Variants in SPIDR observed in about 807,000 individuals in gnomAD.
SPIDR encodes DNA repair-scaffolding protein.
A neutral mutation model predicts 104.6 loss-of-function variants in SPIDR; 93 were observed. That is an observed-to-expected ratio of 0.89 (90% CI 0.75 to 1.06). SPIDR has a LOEUF of 1.06. Among genes scored for constraint, SPIDR ranks in the 50% least tolerant of loss-of-function variants. The pLI is 0.00. For synonymous variants in SPIDR, 431 were observed against 416.9 expected, an observed-to-expected ratio of 1.03 and a Z score of -0.41; for missense variants, 1,154 against 1,111.2, an observed-to-expected ratio of 1.04 and a Z score of -0.55.
chr8:47,497,133 G>C (rs1037287482), intron 8 of SPIDR, among the ~76,000 whole-genome samples: 9 of 152,002 alleles, frequency 5.9e-5, no homozygotes, highest in Admixed American at 1.3e-4. Context: ...ATAGTTTGTT[G>C]ATTTTGTTGG....
At chr8:47,272,394 G>C (rs2035519355) in intron 1 of SPIDR, among the ~76,000 whole-genome samples, 1 of 152,160 alleles carries the variant, frequency 6.6e-6, no homozygotes, top group African/African-American at 2.4e-5. Context: ...CTATAATTTT[G>C]TTTAATGATT....
intron 8 of SPIDR, among the ~76,000 whole-genome samples, chr8:47,462,231 C>G (rs1237344453): frequency 6.6e-6 from 1 of 152,164 alleles, no homozygotes; most frequent in Non-Finnish European, 1.5e-5. Context: ...TCGACTAGTA[C>G]CGAGGGTTGT....
chr8:47,728,291 C>T (rs1469386332), intron 17 of SPIDR, among the ~76,000 whole-genome samples: 6 of 149,108 alleles, frequency 4.0e-5, no homozygotes, highest in East Asian at 2.0e-4. Context: ...AAAAATTAGC[C>T]GGGCATGGTG....
At chr8:47,287,308 A>AGCAAAG (rs2039031705) in intron 3 of SPIDR, among the ~76,000 whole-genome samples, 4 of 152,110 alleles carry the variant, frequency 2.6e-5, no homozygotes, top group African/African-American at 9.7e-5. Flanking sequence ...CAAAGGGCGA[A>AGCAAAG]ATCAAAAACT....
chr8:47,361,045 G>A (rs946363963), intron 5 of SPIDR: 7 of 910,244 alleles, frequency 7.7e-6, no homozygotes, highest in Non-Finnish European at 9.2e-6. Context: ...TGTAAAAAAT[G>A]TTCAACTGAT....
intron 10 of SPIDR, among the ~76,000 whole-genome samples, chr8:47,648,088 T>C (rs945709762): frequency 6.6e-6 from 1 of 152,154 alleles, no homozygotes; most frequent in Non-Finnish European, 1.5e-5. Context: ...GTAGAAGTGA[T>C]TCTAAATGAC....
intron 8 of SPIDR, among the ~76,000 whole-genome samples, chr8:47,562,274 T>G (rs1407990137): frequency 2.0e-5 from 3 of 152,222 alleles, no homozygotes; most frequent in African/African-American, 7.2e-5. Context: ...GGTATCTAAT[T>G]TTAAATAGTT....
chr8:47,299,364 G>A (rs1345767489), intron 5 of SPIDR, among the ~76,000 whole-genome samples: 1 of 152,170 alleles, frequency 6.6e-6, no homozygotes, highest in South Asian at 2.1e-4. Context: ...AGGCAATGGG[G>A]TTTTCTAGAT....
At chr8:47,478,911 G>T (rs571139588) in intron 8 of SPIDR, among the ~76,000 whole-genome samples, 47 of 152,300 alleles carry the variant, frequency 3.1e-4, no homozygotes, top group Non-Finnish European at 5.7e-4. Flanking sequence ...TGTTTAATTA[G>T]CAGAGGCACT....
chr8:47,680,630 C>T (rs1479617281), intron 11 of SPIDR, among the ~76,000 whole-genome samples: 1 of 152,198 alleles, frequency 6.6e-6, no homozygotes, highest in Non-Finnish European at 1.5e-5. Flanking sequence ...TTCAAAAAGG[C>T]CACCCTTTTA....
At chr8:47,409,328 A>C (rs1438564543) in intron 7 of SPIDR, among the ~76,000 whole-genome samples, 1 of 152,188 alleles carries the variant, frequency 6.6e-6, no homozygotes, top group Non-Finnish European at 1.5e-5. Context: ...TATTCCTCCA[A>C]GGTCTAATGA....
intron 8 of SPIDR, among the ~76,000 whole-genome samples, chr8:47,565,339 C>T (rs1468479608): frequency 6.6e-6 from 1 of 152,160 alleles, no homozygotes; most frequent in Non-Finnish European, 1.5e-5. Context: ...TAAAGAGAAG[C>T]AACATTGAGT....
intron 8 of SPIDR, among the ~76,000 whole-genome samples, chr8:47,554,859 C>T (rs2091124842): frequency 1.3e-5 from 2 of 152,188 alleles, no homozygotes; most frequent in Admixed American, 1.3e-4. Flanking sequence ...GGAGCTGTTC[C>T]TATTCAGCCA....
At chr8:47,496,159 T>A (rs2154369018) in intron 8 of SPIDR, among the ~76,000 whole-genome samples, 1 of 152,298 alleles carries the variant, frequency 6.6e-6, no homozygotes, top group South Asian at 2.1e-4. Context: ...TACTTCTTGC[T>A]TTTCAATCAG....
intron 8 of SPIDR, among the ~76,000 whole-genome samples, chr8:47,533,984 A>G (rs2086481703): frequency 6.6e-6 from 1 of 152,304 alleles, no homozygotes; most frequent in East Asian, 1.9e-4. Flanking sequence ...CCACGTGTCA[A>G]GGGCGGGACC....
chr8:47,285,848 C>T (rs910289226), intron 3 of SPIDR, among the ~76,000 whole-genome samples: 21 of 152,252 alleles, frequency 1.4e-4, no homozygotes, highest in Admixed American at 6.5e-4. Context: ...CACAGTTCAG[C>T]TCATAACACC....
At chr8:47,614,240 G>GA (rs1194619113) in intron 10 of SPIDR, among the ~76,000 whole-genome samples, 1 of 151,378 alleles carries the variant, frequency 6.6e-6, no homozygotes, top group African/African-American at 2.4e-5. Context: ...AATTTTTTTA[G>GA]ATGGAGTCTC....
intron 5 of SPIDR, among the ~76,000 whole-genome samples, chr8:47,372,310 C>T (rs1554639571): frequency 1.3e-5 from 2 of 152,178 alleles, no homozygotes; most frequent in Non-Finnish European, 2.9e-5. Context: ...GATAGGAAGG[C>T]TTATCTTTGC....
intron 11 of SPIDR, among the ~76,000 whole-genome samples, chr8:47,688,067 T>C (rs1009147250): frequency 6.6e-6 from 1 of 150,958 alleles, no homozygotes; most frequent in Non-Finnish European, 1.5e-5. Context: ...GTTTACCTGT[T>C]TTTGAACTTT....
Sources: allele counts gnomAD v4.1 joint callset (sites outside exome capture counted in the v4.1 genomes callset), GRCh38; gene constraint gnomAD v4.1.1; transcripts MANE v1.5; gene names NCBI Gene and HGNC (gene_info 2026-07-23, HGNC 2026-07-21).